Variants in ADCY2 observed in about 807,000 individuals in gnomAD.
ADCY2 encodes adenylate cyclase 2.
A neutral mutation model predicts 125.2 loss-of-function variants in ADCY2; 31 were observed. The ratio of observed to expected loss-of-function variants is 0.25; its 90% CI spans 0.19 to 0.33. ADCY2 has a LOEUF of 0.33. ADCY2 is among the 10% of genes least tolerant of loss of function. The pLI, the probability that ADCY2 is intolerant of heterozygous loss-of-function variation, is 1.00. For synonymous variants in ADCY2, 512 were observed against 548.4 expected (o/e 0.93, Z 0.93); for missense variants, 904 against 1,418.2 (o/e 0.64, Z 5.82).
chr5:7,554,138 T>C (rs1735432525), intron 3 of ADCY2, among the ~76,000 whole-genome samples: 1 of 152,220 alleles, frequency 6.6e-6, no homozygotes, highest in Non-Finnish European at 1.5e-5. Context: ...ATTTGTTTAT[T>C]AGTGATTTCA....
chr5:7,440,799 C>A (rs1444183014), intron 2 of ADCY2, among the ~76,000 whole-genome samples: 1 of 152,086 alleles, frequency 6.6e-6, no homozygotes, highest in Non-Finnish European at 1.5e-5. Flanking sequence ...TGACATATAA[C>A]CATGTCGGAT....
intron 7 of ADCY2, among the ~76,000 whole-genome samples, chr5:7,700,500 CTT>C (rs34637526): frequency 2.3e-3 from 330 of 145,570 alleles, no homozygotes; most frequent in Non-Finnish European, 2.0e-3. Context: ...TTATCCTCAA[CTT>C]TTTTTTTTTT....
chr5:7,561,575 G>A (rs1735708968), intron 3 of ADCY2, among the ~76,000 whole-genome samples: 1 of 133,754 alleles, frequency 7.5e-6, no homozygotes. Context: ...CTTTTAGAAT[G>A]TGAAGACAAA....
At chr5:7,736,656 T>C (rs779687362) in intron 14 of ADCY2, among the ~76,000 whole-genome samples, 2 of 152,180 alleles carry the variant, frequency 1.3e-5, no homozygotes, top group Non-Finnish European at 2.9e-5. Context: ...TTATTGTTTT[T>C]TAGGTCTATT....
intron 4 of ADCY2, among the ~76,000 whole-genome samples, chr5:7,627,921 G>T (rs937480515): frequency 7.9e-5 from 12 of 152,130 alleles, no homozygotes; most frequent in Admixed American, 5.9e-4. Context: ...AATACATTTT[G>T]TCTTACCACC....
At chr5:7,753,748 T>A (rs1271263504) in intron 15 of ADCY2, among the ~76,000 whole-genome samples, 1 of 152,164 alleles carries the variant, frequency 6.6e-6, no homozygotes, top group African/African-American at 2.4e-5. Context: ...ATCCCCATCA[T>A]TGGTTTCTTC....
At chr5:7,755,089 A>G (rs1295576130) in intron 15 of ADCY2, among the ~76,000 whole-genome samples, 1 of 152,194 alleles carries the variant, frequency 6.6e-6, no homozygotes, top group African/African-American at 2.4e-5. Flanking sequence ...TGCCATCACC[A>G]ACCCCTATCC....
At chr5:7,752,399 A>C (rs558837729) in intron 15 of ADCY2, among the ~76,000 whole-genome samples, 1 of 152,178 alleles carries the variant, frequency 6.6e-6, no homozygotes, top group Non-Finnish European at 1.5e-5. Context: ...TCCAAGCAAG[A>C]TTTTTAAGAT....
chr5:7,643,026 A>T (rs969621287), intron 4 of ADCY2, among the ~76,000 whole-genome samples: 2 of 151,770 alleles, frequency 1.3e-5, no homozygotes, highest in African/African-American at 4.8e-5. Context: ...TCTAATTAGA[A>T]TTTTTTTTAT....
intron 1 of ADCY2, among the ~76,000 whole-genome samples, chr5:7,406,569 TC>T (rs2126308709): frequency 6.6e-6 from 1 of 152,320 alleles, no homozygotes; most frequent in African/African-American, 2.4e-5. Context: ...TAGGAGATAG[TC>T]CCCTTTTCTT....
chr5:7,603,269 G>A (rs1339816149), intron 3 of ADCY2, among the ~76,000 whole-genome samples: 1 of 152,164 alleles, frequency 6.6e-6, no homozygotes, highest in Non-Finnish European at 1.5e-5. Context: ...GTGGGAGGTA[G>A]CCAGGTAGAA....
intron 2 of ADCY2, among the ~76,000 whole-genome samples, chr5:7,508,626 A>G (rs1743936439): frequency 6.6e-6 from 1 of 152,142 alleles, no homozygotes; most frequent in African/African-American, 2.4e-5. Context: ...TGCCACCCAT[A>G]TTCTATTACT....
At chr5:7,627,638 G>T (rs1738178743) in intron 4 of ADCY2, among the ~76,000 whole-genome samples, 1 of 152,200 alleles carries the variant, frequency 6.6e-6, no homozygotes, top group Non-Finnish European at 1.5e-5. Context: ...GTTGTATTGA[G>T]TTAGTTCACT....
chr5:7,520,806 C>T lies in ADCY2; in HGVS notation c.477C>T (p.Ile159=), dbSNP rs1744416551. The T allele has an allele frequency of 1.2e-6, 2 of 1,614,216 alleles. No individual in the cohort carries two copies. Among genetic ancestry groups the T allele is most frequent in the East Asian group, 2.2e-5 (1 of 44,882 alleles). The change falls in exon 3 of 25, where the codon ATC becomes ATT. Residue 159 remains isoleucine, a synonymous_variant. Transcript: ENST00000338316. ...TMLPFNMRDA[I]IASVLTSSSH... ...TGCCCTTCAACATGCGAGACGCCAT[C>T]ATTGCCAGCGTCCTCACCTCCTCCT...
At chr5:7,744,753 G>T (rs1185810454) in intron 15 of ADCY2, among the ~76,000 whole-genome samples, 1 of 152,238 alleles carries the variant, frequency 6.6e-6, no homozygotes, top group Non-Finnish European at 1.5e-5. Flanking sequence ...AAGCTTCAGA[G>T]ATTTTTTTAA....
At chr5:7,410,871 A>G (rs149839180) in intron 1 of ADCY2, among the ~76,000 whole-genome samples, 5 of 152,240 alleles carry the variant, frequency 3.3e-5, no homozygotes, top group East Asian at 1.9e-4. Flanking sequence ...AAACAACTCA[A>G]TCAGAAGAAC....
At chr5:7,624,286 G>A (rs182375083) in intron 3 of ADCY2, among the ~76,000 whole-genome samples, 1 of 152,248 alleles carries the variant, frequency 6.6e-6, no homozygotes, top group Admixed American at 6.5e-5. Flanking sequence ...CAAGGCATTG[G>A]GTAGATGGAG....
chr5:7,770,298 T>C (rs1470807711), intron 17 of ADCY2, among the ~76,000 whole-genome samples: 1 of 152,208 alleles, frequency 6.6e-6, no homozygotes, highest in African/African-American at 2.4e-5. Flanking sequence ...TGAAAAACTT[T>C]AAAAATTTAC....
chr5:7,478,634 C>G (rs1196513372), intron 2 of ADCY2, among the ~76,000 whole-genome samples: 1 of 152,124 alleles, frequency 6.6e-6, no homozygotes, highest in East Asian at 1.9e-4. Context: ...TGAAAGCACA[C>G]AAAGGCACCT....
Sources: allele counts gnomAD v4.1 joint callset (sites outside exome capture counted in the v4.1 genomes callset), GRCh38; gene constraint gnomAD v4.1.1; transcripts MANE v1.5; gene names NCBI Gene and HGNC (gene_info 2026-07-23, HGNC 2026-07-21).